Variants in PTPRK observed in about 807,000 individuals in gnomAD.
The protein encoded by PTPRK is protein tyrosine phosphatase receptor type K, also known as receptor-type tyrosine-protein phosphatase kappa.
PTPRK carries 75 observed loss-of-function variants against 178.0 expected under a neutral mutation model. The ratio of observed to expected loss-of-function variants is 0.42; its 90% confidence interval spans 0.35 to 0.51. The LOEUF (loss-of-function observed/expected upper bound fraction) is 0.51, where lower values mean the gene tolerates loss of function less well. Among genes scored for constraint, PTPRK ranks in the 20% least tolerant of loss-of-function variants. The pLI, the probability that PTPRK is intolerant of heterozygous loss-of-function variation, is 0.02. For missense variants in PTPRK, 1,441 were observed against 1,797.8 expected, an observed-to-expected ratio of 0.80 and a Z score of 3.59; for synonymous variants, 637 against 620.6, an observed-to-expected ratio of 1.03 and a Z score of -0.39.
chr6:128,489,860 C>T (rs1353745534), intron 1 of PTPRK, among the ~76,000 whole-genome samples: 1 of 152,076 alleles, frequency 6.6e-6, no homozygotes, highest in African/African-American at 2.4e-5. Flanking sequence ...CAGTATAATC[C>T]ATTCTGCATC....
chr6:128,079,290 T>G (rs1295415531), intron 10 of PTPRK, among the ~76,000 whole-genome samples: 2 of 151,990 alleles, frequency 1.3e-5, no homozygotes, highest in African/African-American at 2.4e-5. Context: ...CATATGGCGA[T>G]CAGGAGCTAT....
intron 2 of PTPRK, among the ~76,000 whole-genome samples, chr6:128,378,766 G>A (rs1343635028): frequency 6.6e-6 from 1 of 152,026 alleles, no homozygotes; most frequent in Admixed American, 6.6e-5. Flanking sequence ...AAATTTTACA[G>A]AGCAGAATTT....
chr6:128,105,288 C>T (rs899849024), intron 7 of PTPRK, among the ~76,000 whole-genome samples: 1 of 152,140 alleles, frequency 6.6e-6, no homozygotes, highest in Non-Finnish European at 1.5e-5. Flanking sequence ...CGCCCGCCAC[C>T]ACGCCCTGCT....
intron 2 of PTPRK, among the ~76,000 whole-genome samples, chr6:128,342,846 A>C: frequency 6.6e-6 from 1 of 152,142 alleles, no homozygotes; most frequent in Admixed American, 6.5e-5. Context: ...CAGCTACTTA[A>C]GAGCCTGAGG....
intron 4 of PTPRK, among the ~76,000 whole-genome samples, chr6:128,241,696 C>A (rs980160854): frequency 6.6e-6 from 1 of 152,022 alleles, no homozygotes; most frequent in African/African-American, 2.4e-5. Flanking sequence ...AATTTAGGTA[C>A]ACCATCTGAA....
intron 7 of PTPRK, among the ~76,000 whole-genome samples, chr6:128,167,922 A>G (rs1296178115): frequency 6.6e-6 from 1 of 152,108 alleles, no homozygotes; most frequent in Non-Finnish European, 1.5e-5. Flanking sequence ...TTGTCAAAAC[A>G]TTTACTGTTA....
chr6:128,119,525 A>T (rs1337363436), intron 7 of PTPRK, among the ~76,000 whole-genome samples: 2 of 152,088 alleles, frequency 1.3e-5, no homozygotes, highest in African/African-American at 4.8e-5. Flanking sequence ...CAAAGGATTT[A>T]TTTCTAATAG....
intron 7 of PTPRK, among the ~76,000 whole-genome samples, chr6:128,116,124 T>A (rs1027783005): frequency 1.3e-5 from 2 of 152,094 alleles, no homozygotes; most frequent in East Asian, 3.8e-4. Context: ...CCTAATTATA[T>A]CTTCTATACT....
chr6:128,185,111 T>C (rs573991910), intron 6 of PTPRK, among the ~76,000 whole-genome samples: 15 of 152,296 alleles, frequency 9.8e-5, no homozygotes, highest in Non-Finnish European at 2.1e-4. Flanking sequence ...TATTTTTCTT[T>C]TTGCTTTCCT....
intron 15 of PTPRK, among the ~76,000 whole-genome samples, chr6:128,001,843 A>C (rs1320672323): frequency 6.6e-6 from 1 of 151,922 alleles, no homozygotes; most frequent in Non-Finnish European, 1.5e-5. Flanking sequence ...TTTTTTTCCA[A>C]TTAGTTCTCA....
At chr6:128,431,937 G>A (rs925766871) in intron 1 of PTPRK, among the ~76,000 whole-genome samples, 15 of 152,084 alleles carry the variant, frequency 9.9e-5, no homozygotes, top group East Asian at 5.8e-4. Context: ...GTGGAAAGAT[G>A]TAATATTATT....
At chr6:128,374,254 G>A (rs752360244) in intron 2 of PTPRK, among the ~76,000 whole-genome samples, 2 of 152,082 alleles carry the variant, frequency 1.3e-5, no homozygotes, top group Non-Finnish European at 2.9e-5. Flanking sequence ...AGTAATGCAT[G>A]TGTCGGTCCT....
At chr6:128,232,127 T>C (rs915442708) in intron 5 of PTPRK, 1 of 152,218 alleles carries the variant, frequency 6.6e-6, no homozygotes, top group African/African-American at 2.4e-5. Flanking sequence ...TTCAGTAAGA[T>C]CCTTCTCCTT....
At chr6:128,257,057 C>T (rs973768984) in intron 3 of PTPRK, among the ~76,000 whole-genome samples, 4 of 151,454 alleles carry the variant, frequency 2.6e-5, no homozygotes, top group African/African-American at 7.3e-5. Flanking sequence ...AAGGAGAAAC[C>T]CCGTCTCTAC....
At chr6:128,487,363 G>T (rs537588869) in intron 1 of PTPRK, among the ~76,000 whole-genome samples, 11 of 151,064 alleles carry the variant, frequency 7.3e-5, no homozygotes, top group African/African-American at 1.9e-4. Flanking sequence ...AACTGGGAAG[G>T]CCTCAAAAAC....
intron 2 of PTPRK, among the ~76,000 whole-genome samples, chr6:128,331,584 T>C (rs535978282): frequency 6.6e-6 from 1 of 152,302 alleles, no homozygotes; most frequent in South Asian, 2.1e-4. Flanking sequence ...ATCAGTGCCA[T>C]CACTTTTTGT....
chr6:128,306,665 C>T (rs1210976661), intron 3 of PTPRK, among the ~76,000 whole-genome samples: 9 of 151,932 alleles, frequency 5.9e-5, no homozygotes, highest in Non-Finnish European at 1.2e-4. Context: ...GGTGTGGTGG[C>T]ATGTGCCTGT....
intron 3 of PTPRK, among the ~76,000 whole-genome samples, chr6:128,263,588 A>C (rs1367691870): frequency 6.6e-6 from 1 of 152,240 alleles, no homozygotes; most frequent in Non-Finnish European, 1.5e-5. Context: ...AAAATGCAGC[A>C]AAATAATAAG....
intron 1 of PTPRK, among the ~76,000 whole-genome samples, chr6:128,409,844 C>T (rs924321820): frequency 6.6e-6 from 1 of 152,176 alleles, no homozygotes; most frequent in African/African-American, 2.4e-5. Flanking sequence ...TGCCTTATGC[C>T]ATGATTATGA....
Sources: allele counts gnomAD v4.1 joint callset (sites outside exome capture counted in the v4.1 genomes callset), GRCh38; gene constraint gnomAD v4.1.1; transcripts MANE v1.5; gene names NCBI Gene and HGNC (gene_info 2026-07-23, HGNC 2026-07-21).